The following OXR1 variants were observed in gnomAD, a reference collection of about 807,000 sequenced individuals.
OXR1 encodes oxidation resistance 1, also known as oxidation resistance protein 1.
In OXR1, 41 loss-of-function variants were observed where a neutral mutation model predicts 104.6. The ratio of observed to expected loss-of-function variants is 0.39; its 90% CI spans 0.31 to 0.51. The LOEUF (loss-of-function observed/expected upper bound fraction) is 0.51. Ranked by LOEUF, OXR1 falls within the 20% of genes least tolerant of loss-of-function variation. The pLI is 0.77. For synonymous variants in OXR1, 348 were observed against 348.4 expected (o/e 1.00, Z 0.01); for missense variants, 955 against 1,031.9 (o/e 0.93, Z 1.02).
At chr8:106,719,314 C>T (rs968488395) in intron 11 of OXR1, among the ~76,000 whole-genome samples, 3 of 152,162 alleles carry the variant, frequency 2.0e-5, no homozygotes, top group Non-Finnish European at 4.4e-5. Flanking sequence ...TCTGCTATTT[C>T]GTGATGATCG....
chr8:106,690,788 A>G (rs1464930444), intron 6 of OXR1, among the ~76,000 whole-genome samples: 2 of 151,956 alleles, frequency 1.3e-5, no homozygotes, highest in Non-Finnish European at 2.9e-5. Context: ...AAAATACAGC[A>G]TACACTGCTT....
At chr8:106,652,180 AG>A (rs1257146901) in intron 3 of OXR1, among the ~76,000 whole-genome samples, 1 of 152,142 alleles carries the variant, frequency 6.6e-6, no homozygotes, top group East Asian at 1.9e-4. Context: ...CCATAGAAAT[AG>A]GGACTCTCTA....
chr8:106,323,810 A>G (rs554372626), intron 1 of OXR1, among the ~76,000 whole-genome samples: 4 of 152,356 alleles, frequency 2.6e-5, no homozygotes, highest in African/African-American at 9.6e-5. Flanking sequence ...CCACAATGAG[A>G]TACCATCTCA....
intron 1 of OXR1, among the ~76,000 whole-genome samples, chr8:106,302,427 A>T (rs1255200835): frequency 1.3e-5 from 2 of 151,958 alleles, no homozygotes; most frequent in Non-Finnish European, 2.9e-5. Context: ...CTAAAAATAC[A>T]AAAAGAAATT....
At chr8:106,467,010 G>T (rs990303815) in intron 2 of OXR1, among the ~76,000 whole-genome samples, 2 of 151,750 alleles carry the variant, frequency 1.3e-5, no homozygotes, top group African/African-American at 4.8e-5. Context: ...ATAAACTAAG[G>T]AGTATCCTTT....
At chr8:106,736,164 CA>C (rs753539652) in intron 11 of OXR1, among the ~76,000 whole-genome samples, 4 of 88,126 alleles carry the variant, frequency 4.5e-5, no homozygotes, top group Non-Finnish European at 9.1e-5. Context: ...GTTTATCTGA[CA>C]CCCCCCCCCA....
At chr8:106,597,242 G>T (rs1819602898) in intron 3 of OXR1, among the ~76,000 whole-genome samples, 1 of 152,038 alleles carries the variant, frequency 6.6e-6, no homozygotes, top group Admixed American at 6.6e-5. Flanking sequence ...AGTCATGGGG[G>T]CAGAGGCCTC....
At chr8:106,541,499 A>G (rs118099342) in intron 3 of OXR1, among the ~76,000 whole-genome samples, 2,321 of 152,332 alleles carry the variant, frequency 0.015, 31 homozygotes, top group Non-Finnish European at 0.023. Flanking sequence ...AAATGAAAGA[A>G]CGATTCATTT....
At chr8:106,542,931 G>C (rs1234501590) in intron 3 of OXR1, among the ~76,000 whole-genome samples, 1 of 152,110 alleles carries the variant, frequency 6.6e-6, no homozygotes, top group Non-Finnish European at 1.5e-5. Context: ...CCCCCAAAGA[G>C]TTGAGGGTAT....
intron 2 of OXR1, among the ~76,000 whole-genome samples, chr8:106,424,869 C>G (rs1296874306): frequency 6.6e-6 from 1 of 151,664 alleles, no homozygotes. Context: ...AAATGCTTTT[C>G]TTATGCATTT....
At chr8:106,638,815 C>T (rs1017554665) in intron 3 of OXR1, among the ~76,000 whole-genome samples, 1 of 151,570 alleles carries the variant, frequency 6.6e-6, no homozygotes, top group Non-Finnish European at 1.5e-5. Context: ...AATGCTTGAA[C>T]CTGGGAGGTT....
chr8:106,748,500 A>G (rs1295982609), intron 16 of OXR1, among the ~76,000 whole-genome samples: 2 of 143,586 alleles, frequency 1.4e-5, no homozygotes, highest in Non-Finnish European at 3.0e-5. Flanking sequence ...TTACCTGGTC[A>G]TTGTGAATTA....
At chr8:106,328,155 G>A (rs1043475470) in intron 1 of OXR1, among the ~76,000 whole-genome samples, 7 of 152,256 alleles carry the variant, frequency 4.6e-5, no homozygotes, top group South Asian at 2.1e-4. Context: ...AGGCTTATGC[G>A]GCTCATAGCT....
chr8:106,550,709 C>T (rs186170751), intron 3 of OXR1, among the ~76,000 whole-genome samples: 35 of 152,192 alleles, frequency 2.3e-4, no homozygotes, highest in Admixed American at 2.0e-4. Flanking sequence ...TGCCTCTTCC[C>T]CTTCCACCAT....
intron 2 of OXR1, among the ~76,000 whole-genome samples, chr8:106,378,536 T>A (rs1179048113): frequency 6.6e-6 from 1 of 152,134 alleles, no homozygotes; most frequent in Admixed American, 6.5e-5. Flanking sequence ...TGAGACGGAG[T>A]TTCACTGTTG....
chr8:106,537,636 G>C (rs74992617), intron 3 of OXR1, among the ~76,000 whole-genome samples: 7,476 of 152,026 alleles, frequency 0.049, 204 homozygotes, highest in Middle Eastern at 0.068. Flanking sequence ...ACCTATGTAA[G>C]AAACCTGCAC....
intron 2 of OXR1, among the ~76,000 whole-genome samples, chr8:106,463,967 C>T (rs753841297): frequency 6.6e-6 from 1 of 152,110 alleles, no homozygotes; most frequent in South Asian, 2.1e-4. Context: ...TGATTTCACT[C>T]AAAACTACAG....
intron 2 of OXR1, among the ~76,000 whole-genome samples, chr8:106,420,467 G>A (rs528278218): frequency 2.3e-4 from 35 of 151,758 alleles, no homozygotes; most frequent in Non-Finnish European, 4.4e-4. Flanking sequence ...AATAAGTGAT[G>A]TTTTAAAATC....
chr8:106,689,413 C>A (rs1433380135), intron 6 of OXR1, among the ~76,000 whole-genome samples: 1 of 152,032 alleles, frequency 6.6e-6, no homozygotes, highest in Non-Finnish European at 1.5e-5. Context: ...ATAATTACAT[C>A]TGAAAAATCC....
Sources: allele counts gnomAD v4.1 joint callset (sites outside exome capture counted in the v4.1 genomes callset), GRCh38; gene constraint gnomAD v4.1.1; transcripts MANE v1.5; gene names NCBI Gene and HGNC (gene_info 2026-07-23, HGNC 2026-07-21).